SLC16A4: variants seen among roughly 807,000 people sequenced by gnomAD.
The protein encoded by SLC16A4 is solute carrier family 16 member 4.
A neutral mutation model predicts 47.9 loss-of-function variants in SLC16A4; 39 were observed. That is an observed-to-expected ratio of 0.81 (90% CI 0.63 to 1.06). SLC16A4 has a LOEUF of 1.06. Ranked by LOEUF, SLC16A4 falls within the 50% of genes least tolerant of loss-of-function variation. The probability of loss-of-function intolerance (pLI) is 0.00; values close to 1 mark genes in which losing one functional copy is unlikely to be tolerated. For missense variants in SLC16A4, 524 were observed against 573.8 expected (o/e 0.91, Z 0.89); for synonymous variants, 189 against 199.9 (o/e 0.95, Z 0.46).
At chr1:110,369,377 A>T (rs1661573447) in intron 8 of SLC16A4, among the ~76,000 whole-genome samples, 1 of 152,068 alleles carries the variant, frequency 6.6e-6, no homozygotes, top group Non-Finnish European at 1.5e-5. Flanking sequence ...ATGTGGGCGG[A>T]TTGCTTGAGC....
At chr1:110,373,040 A>G (rs534320537) in intron 8 of SLC16A4, 39 of 152,218 alleles carry the variant, frequency 2.6e-4, no homozygotes, top group Admixed American at 2.2e-3. Context: ...TTCCATAAAA[A>G]CAATGAGATC....
chr1:110,381,507 A>G, intron 4 of SLC16A4, 145 bp downstream of exon 4: 1 of 740,944 alleles, frequency 1.3e-6, no homozygotes, highest in Admixed American at 3.3e-5. Flanking sequence ...TATTTTTAGT[A>G]GAGACAGGGT....
At chr1:110,390,270 G>A (rs554436318) in intron 1 of SLC16A4, among the ~76,000 whole-genome samples, 210 of 152,252 alleles carry the variant, frequency 1.4e-3, no homozygotes, top group African/African-American at 4.7e-3. Flanking sequence ...GAAGCTGTGC[G>A]TCACCCTGCT....
intron 6 of SLC16A4, among the ~76,000 whole-genome samples, chr1:110,377,388 A>G (rs1037153062): frequency 1.3e-5 from 2 of 152,172 alleles, no homozygotes; most frequent in Non-Finnish European, 1.5e-5. Context: ...AGACCCATGT[A>G]GTTAGTGTTT....
At chr1:110,381,502 TTA>T in intron 4 of SLC16A4, 148 bp downstream of exon 4, 1 of 729,334 alleles carries the variant, frequency 1.4e-6, no homozygotes, top group Non-Finnish European at 2.2e-6. Flanking sequence ...TTTTGTATTT[TTA>T]GTAGAGACAG....
At chr1:110,376,366 T>G (rs1461901693) in intron 7 of SLC16A4, among the ~76,000 whole-genome samples, 1 of 152,196 alleles carries the variant, frequency 6.6e-6, no homozygotes, top group Non-Finnish European at 1.5e-5. Context: ...CCAGCATGTT[T>G]AGGTCCTGGT....
intron 2 of SLC16A4, 98 bp downstream of exon 2, chr1:110,389,139 A>G: frequency 9.2e-7 from 1 of 1,083,228 alleles, no homozygotes; most frequent in East Asian, 2.4e-5. Flanking sequence ...CAGATGCCAA[A>G]GATTTCCTAA....
chr1:110,364,309 A>T (rs1004990419), intron 8 of SLC16A4, among the ~76,000 whole-genome samples: 2 of 152,058 alleles, frequency 1.3e-5, no homozygotes, highest in African/African-American at 4.8e-5. Flanking sequence ...AGGATACACT[A>T]GTGAGCCAAA....
In SLC16A4 at chr1:110,388,422, G is replaced by A. The variant is rs117484766; in HGVS notation, c.87+815C>T. 8.0e-3 allele frequency among the ~76,000 whole-genome samples: 1,212 copies of A among 152,292 alleles called. 34 individuals carry two copies. Among genetic ancestry groups the A allele is most frequent in the East Asian group, 0.065 (336 of 5,182 alleles). ...GGAAATATAGATAGCATAAACTATA[G>A]TTAGTGGGGATGGATTGGGAAGTAG... On this transcript the variant is annotated intron_variant, in intron 2 of 8. Coordinates refer to ENST00000369779, the MANE Select transcript of SLC16A4 (RefSeq NM_004696.3).
chr1:110,390,358 T>C (rs969239965), intron 1 of SLC16A4, among the ~76,000 whole-genome samples: 1 of 152,150 alleles, frequency 6.6e-6, no homozygotes, highest in African/African-American at 2.4e-5. Flanking sequence ...TAGAAAACAC[T>C]TGCTAAATGT....
At chr1:110,383,007 G>A in intron 2 of SLC16A4, 41 bp from the exon 3 acceptor site, 1 of 1,532,424 alleles carries the variant, frequency 6.5e-7, no homozygotes, top group East Asian at 2.3e-5. Context: ...GGTGGTAAGT[G>A]AGCCATTACA....
intron 5 of SLC16A4, 47 bp downstream of exon 5, chr1:110,380,935 C>G (rs779693345): frequency 6.5e-7 from 1 of 1,545,634 alleles, no homozygotes; most frequent in South Asian, 1.1e-5. Context: ...GAAAGCTGAA[C>G]GCTAAATCTT....
chr1:110,389,371 G>A lies in SLC16A4; in HGVS notation c.-32-16C>T. On this transcript the variant is annotated splice_polypyrimidine_tract_variant and intron_variant, in intron 1 of 8. Coordinates refer to ENST00000369779, the MANE Select transcript of SLC16A4 (RefSeq NM_004696.3). The stretch of plus-strand genomic sequence containing the variant: ...CAGAAGATCCCTGTGATAAATCCAA[G>A]ACAGTTGATTCAGTGGACCAGAAAC... 4 of 1,407,808 alleles carry A rather than the reference G, an allele frequency of 2.8e-6. No homozygotes were observed. Among genetic ancestry groups the A allele is most frequent in the Non-Finnish European group, 4.0e-6 (4 of 994,212 alleles). 87.2% of individuals were successfully genotyped at this position (1,407,808 alleles called of 1,614,324 possible).
At chr1:110,382,798 T>C in intron 3 of SLC16A4, 36 bp downstream of exon 3, 1 of 1,495,214 alleles carries the variant, frequency 6.7e-7, no homozygotes, top group Non-Finnish European at 9.0e-7. Context: ...TTGTGGTTCT[T>C]CTCCTTAGAC....
At chr1:110,368,336 A>T (rs887610178) in intron 8 of SLC16A4, among the ~76,000 whole-genome samples, 5 of 152,212 alleles carry the variant, frequency 3.3e-5, no homozygotes, top group African/African-American at 1.2e-4. Context: ...TGTTCACTCT[A>T]TGCCTGGTAT....
chr1:110,370,537 G>A (rs1265252149), intron 8 of SLC16A4: 1 of 152,126 alleles, frequency 6.6e-6, no homozygotes, highest in Non-Finnish European at 1.5e-5. Context: ...GTGATAATGG[G>A]ACAGAGATGA....
At position 110,382,849 on chromosome 1, in the gene SLC16A4, G is replaced by T. The variant is rs748844269; in HGVS notation, c.205C>A (p.Leu69Ile). 5 of 1,605,502 alleles carry T rather than the reference G, an allele frequency of 3.1e-6. No individual in the cohort carries two copies. The highest frequency in any genetic ancestry group is 4.3e-6 in the Non-Finnish European group (5 of 1,174,562). ...AGCTTTATACCTGCACAAAAACGAA[G>T]AGATGACATGATGGATCCAATCCAA... ...IGWIGSIMSS[L>I]RFCAGPLVAI... is the part of the protein sequence containing the mutation. Residue 69 changes from leucine to isoleucine, a missense_variant, in exon 3 of 9, where the codon CTT becomes ATT. Physicochemically the swap from Leu to Ile is conservative, Grantham distance 5 (BLOSUM62 2). Transcript: ENST00000369779.
intron 8 of SLC16A4, among the ~76,000 whole-genome samples, chr1:110,365,945 TC>T (rs1661351459): frequency 6.6e-6 from 1 of 152,090 alleles, no homozygotes; most frequent in Non-Finnish European, 1.5e-5. Context: ...GCCTTTTCTT[TC>T]TTTTCTTTTC....
chr1:110,367,801 C>T (rs562134196), intron 8 of SLC16A4, among the ~76,000 whole-genome samples: 2 of 152,134 alleles, frequency 1.3e-5, no homozygotes, highest in South Asian at 2.1e-4. Context: ...AGATGCACTT[C>T]GGACCCTAAA....
Sources: gnomAD v4.1 joint callset for allele counts (sites outside exome capture counted in the v4.1 genomes callset) on GRCh38, gnomAD v4.1.1 for gene constraint, MANE v1.5 for transcripts, NCBI Gene and HGNC (gene_info 2026-07-23, HGNC 2026-07-21) for gene names.